Variants in CDK14 observed in about 807,000 individuals in gnomAD.
The protein encoded by CDK14 is cyclin-dependent kinase 14.
In CDK14, 34 loss-of-function variants were observed where a neutral mutation model predicts 60.7. The observed-to-expected ratio is 0.56, with a 90% confidence interval of 0.43 to 0.75. The LOEUF is 0.75. CDK14 is among the 30% of genes least tolerant of loss of function. CDK14 has a pLI of 0.00. For missense variants in CDK14, 482 were observed against 564.1 expected, an observed-to-expected ratio of 0.85 and a Z score of 1.47; for synonymous variants, 197 against 203.7, an observed-to-expected ratio of 0.97 and a Z score of 0.28.
chr7:91,128,518 C>T (rs1054749853), intron 14 of CDK14, among the ~76,000 whole-genome samples: 4 of 152,048 alleles, frequency 2.6e-5, no homozygotes, highest in Non-Finnish European at 5.9e-5. Context: ...GATTTTTTAT[C>T]TTTCACAGAA....
intron 3 of CDK14, among the ~76,000 whole-genome samples, chr7:90,727,028 A>G (rs1283602057): frequency 6.6e-6 from 1 of 152,142 alleles, no homozygotes; most frequent in Admixed American, 6.6e-5. Flanking sequence ...GATTCAACTT[A>G]TTTTTGGAAA....
intron 5 of CDK14, among the ~76,000 whole-genome samples, chr7:90,855,971 T>C (rs527896658): frequency 6.6e-6 from 1 of 152,304 alleles, no homozygotes; most frequent in East Asian, 1.9e-4. Context: ...AGTTCTATGA[T>C]GTTAGGGAAA....
Position 90,865,348 on chromosome 7 carries a change from A to G in CDK14, c.639+2079A>G, listed in dbSNP as rs544092704. 7.2e-5 allele frequency among the ~76,000 whole-genome samples: 11 copies of G among 152,282 alleles called. 1 individual carries two copies. In the South Asian group the frequency reaches 2.3e-3, roughly 32 times the overall value. On this transcript the variant is annotated intron_variant, in intron 6 of 14. Transcript: ENST00000380050. ...TTTGGCAATTGCCCAGTTCAAAAAT[A>G]ACTTCCCTGAATATTACCTAAAGTT... is the stretch of plus-strand genomic sequence containing the variant.
chr7:90,787,994 G>C (rs954691552), intron 4 of CDK14, among the ~76,000 whole-genome samples: 1 of 152,170 alleles, frequency 6.6e-6, no homozygotes, highest in African/African-American at 2.4e-5. Context: ...TGTCCTTTCA[G>C]TGTGTTACAA....
At chr7:90,822,506 CT>C (rs935033131) in intron 5 of CDK14, among the ~76,000 whole-genome samples, 4 of 152,096 alleles carry the variant, frequency 2.6e-5, no homozygotes, top group African/African-American at 4.8e-5. Flanking sequence ...TCCAGCCCAC[CT>C]TTTGGAGTTC....
At chr7:91,033,925 G>A (rs1464890591) in intron 10 of CDK14, among the ~76,000 whole-genome samples, 7 of 152,304 alleles carry the variant, frequency 4.6e-5, no homozygotes, top group African/African-American at 1.4e-4. Flanking sequence ...GAGAGACAGG[G>A]AATATAAAAA....
intron 2 of CDK14, among the ~76,000 whole-genome samples, chr7:90,725,411 G>A (rs777460138): frequency 2.0e-5 from 3 of 151,926 alleles, no homozygotes; most frequent in Admixed American, 2.0e-4. Flanking sequence ...ATACATAGCC[G>A]CATTTATACC....
At chr7:91,014,156 T>C (rs1186919001) in intron 10 of CDK14, among the ~76,000 whole-genome samples, 1 of 152,120 alleles carries the variant, frequency 6.6e-6, no homozygotes, top group Non-Finnish European at 1.5e-5. Context: ...AAGTCACATA[T>C]TAGAAAAACC....
chr7:91,111,461 T>C (rs900723653), intron 12 of CDK14, among the ~76,000 whole-genome samples: 1 of 152,132 alleles, frequency 6.6e-6, no homozygotes, highest in Non-Finnish European at 1.5e-5. Context: ...TTGCACCGGG[T>C]TTCAGAAACT....
At chr7:90,840,374 A>G (rs1014806262) in intron 5 of CDK14, among the ~76,000 whole-genome samples, 7 of 152,356 alleles carry the variant, frequency 4.6e-5, no homozygotes, top group South Asian at 2.1e-4. Flanking sequence ...AAAAAGAACT[A>G]TATAAGAAGG....
chr7:90,938,386 C>T (rs527540022), intron 8 of CDK14, among the ~76,000 whole-genome samples: 1 of 152,324 alleles, frequency 6.6e-6, no homozygotes, highest in South Asian at 2.1e-4. Context: ...ATGCTACCTT[C>T]TGAACATGTG....
intron 2 of CDK14, among the ~76,000 whole-genome samples, chr7:90,638,182 G>C (rs1016443863): frequency 2.0e-5 from 3 of 152,104 alleles, no homozygotes; most frequent in African/African-American, 7.2e-5. Flanking sequence ...TATGATGTTA[G>C]CTGGTTATTT....
chr7:91,174,116 G>A lies in CDK14; in HGVS notation c.*29-33049G>A, dbSNP rs564335576. On this transcript the variant is annotated intron_variant, in intron 14 of 14. Transcript: ENST00000380050. ...AGCATGCAGCTGGAGATCTGAGAACGGGCAGACTGCCTCCTCAAGTGGGTC... is the reference window on the plus strand; with the variant it reads ...AGCATGCAGCTGGAGATCTGAGAACAGGCAGACTGCCTCCTCAAGTGGGTC... Among the ~76,000 whole-genome samples, 346 of 151,738 alleles carry A rather than the reference G, an allele frequency of 2.3e-3. 3 individuals carry two copies. Among genetic ancestry groups the A allele is most frequent in the African/African-American group, 6.4e-3 (264 of 41,310 alleles).
At chr7:91,008,150 CA>C (rs1197897771) in intron 10 of CDK14, among the ~76,000 whole-genome samples, 1 of 89,548 alleles carries the variant, frequency 1.1e-5, no homozygotes, top group Non-Finnish European at 2.5e-5. Context: ...AAAAAACAAA[CA>C]AAAAAAAACA....
chr7:90,707,200 C>T (rs376660674), intron 2 of CDK14, among the ~76,000 whole-genome samples: 1 of 152,154 alleles, frequency 6.6e-6, no homozygotes, highest in East Asian at 1.9e-4. Flanking sequence ...TAATAGTTTC[C>T]TCTTTTCCTC....
chr7:90,655,466 C>T (rs1172212061), intron 2 of CDK14, among the ~76,000 whole-genome samples: 1 of 152,000 alleles, frequency 6.6e-6, no homozygotes, highest in African/African-American at 2.4e-5. Context: ...AAACTAGTCA[C>T]AGTTAAGGGC....
intron 11 of CDK14, among the ~76,000 whole-genome samples, chr7:91,069,971 A>AT (rs1245379092): frequency 2.0e-5 from 3 of 151,844 alleles, no homozygotes; most frequent in African/African-American, 7.3e-5. Context: ...TGATTTTTCA[A>AT]TTTTTTTGTA....
chr7:91,037,425 G>A (rs548075501), intron 10 of CDK14, among the ~76,000 whole-genome samples: 19 of 152,164 alleles, frequency 1.2e-4, no homozygotes, highest in East Asian at 3.9e-4. Context: ...GTATGTGTGC[G>A]CGCGCATGTG....
intron 2 of CDK14, among the ~76,000 whole-genome samples, chr7:90,643,921 T>C (rs1800403598): frequency 6.6e-6 from 1 of 152,226 alleles, no homozygotes; most frequent in Non-Finnish European, 1.5e-5. Context: ...TGGTATGGAC[T>C]GAATTGTTTC....
Sources: allele counts gnomAD v4.1 joint callset (sites outside exome capture counted in the v4.1 genomes callset), GRCh38; gene constraint gnomAD v4.1.1; transcripts MANE v1.5; gene names NCBI Gene and HGNC (gene_info 2026-07-23, HGNC 2026-07-21).